The following IPO7 variants were observed in gnomAD, a reference collection of about 807,000 sequenced individuals.
IPO7 encodes importin-7.
In IPO7, 13 loss-of-function variants were observed where a neutral mutation model predicts 136.4. The observed-to-expected ratio is 0.10, with a 90% CI of 0.06 to 0.15. IPO7 has a LOEUF of 0.15. Among genes scored for constraint, IPO7 ranks in the 10% least tolerant of loss-of-function variants. The pLI, the probability that IPO7 is intolerant of heterozygous loss-of-function variation, is 1.00. For synonymous variants in IPO7, 403 were observed against 404.4 expected (o/e 1.00, Z 0.04); for missense variants, 857 against 1,240.6 (o/e 0.69, Z 4.65).
At chr11:9,406,104 C>CGT (rs749091662) in intron 2 of IPO7, among the ~76,000 whole-genome samples, 1 of 61,818 alleles carries the variant, frequency 1.6e-5, no homozygotes, top group African/African-American at 7.6e-5. Context: ...TGAGGCTGGT[C>CGT]TTTTTTTTTT....
At chr11:9,432,296 G>A (rs537267818) in intron 16 of IPO7, among the ~76,000 whole-genome samples, 1 of 151,338 alleles carries the variant, frequency 6.6e-6, no homozygotes, top group East Asian at 2.0e-4. Flanking sequence ...CTGCCTCCCA[G>A]GTTCAAGTGA....
intron 1 of IPO7, among the ~76,000 whole-genome samples, chr11:9,398,356 A>G (rs1319012288): frequency 6.6e-6 from 1 of 152,244 alleles, no homozygotes; most frequent in Admixed American, 6.5e-5. Context: ...CAAATATGTA[A>G]TAAGCATTAT....
chr11:9,395,283 G>T (rs543150581), intron 1 of IPO7, among the ~76,000 whole-genome samples: 8 of 151,162 alleles, frequency 5.3e-5, no homozygotes, highest in African/African-American at 1.9e-4. Flanking sequence ...CACTCTTTTC[G>T]CCCAGGCTAG....
chr11:9,386,049 C>T (rs1330920349), intron 1 of IPO7, among the ~76,000 whole-genome samples: 1 of 152,156 alleles, frequency 6.6e-6, no homozygotes, highest in African/African-American at 2.4e-5. Context: ...AATTTAAAAA[C>T]ATTGTTTATA....
chr11:9,395,264 A>T (rs1383250861), intron 1 of IPO7, among the ~76,000 whole-genome samples: 2 of 151,838 alleles, frequency 1.3e-5, no homozygotes, highest in Admixed American at 1.3e-4. Context: ...ATTTTTTGAG[A>T]TGGAGTTTCA....
chr11:9,401,192 AAAG>A (rs1479667333), intron 1 of IPO7, among the ~76,000 whole-genome samples: 2 of 152,132 alleles, frequency 1.3e-5, no homozygotes, highest in Non-Finnish European at 2.9e-5. Context: ...AAAAAAAAAA[AAAG>A]AAGATACTAA....
At chr11:9,412,068 G>T (rs1337018421) in intron 4 of IPO7, among the ~76,000 whole-genome samples, 3 of 152,146 alleles carry the variant, frequency 2.0e-5, no homozygotes, top group African/African-American at 7.2e-5. Flanking sequence ...TTTCTTTTGT[G>T]AATTGTTATT....
intron 8 of IPO7, among the ~76,000 whole-genome samples, chr11:9,421,464 C>T (rs1855126671): frequency 1.4e-5 from 2 of 147,950 alleles, no homozygotes; most frequent in South Asian, 2.1e-4. Flanking sequence ...CCCGTCTCTA[C>T]TAAAAATACA....
chr11:9,436,595 A>C (rs1855371950), intron 20 of IPO7, among the ~76,000 whole-genome samples: 2 of 151,828 alleles, frequency 1.3e-5, no homozygotes, highest in Admixed American at 6.6e-5. Context: ...ATGAAAGGTA[A>C]ACTTTTGCTT....
chr11:9,385,341 C>G (rs987892475), intron 1 of IPO7, among the ~76,000 whole-genome samples: 35 of 152,186 alleles, frequency 2.3e-4, no homozygotes, highest in African/African-American at 8.2e-4. Context: ...GATCAGTGGC[C>G]TGCCTCGGGC....
Position 9,429,706 on chromosome 11 carries a change from G to T in IPO7, c.1624G>T (p.Val542Leu), listed in dbSNP as rs1344184546. The change falls in exon 15 of 25, where the codon GTA becomes TTA. Residue 542 changes from valine to leucine, a missense_variant. Coordinates refer to ENST00000379719, the MANE Select transcript of IPO7 (RefSeq NM_006391.3). The part of the protein sequence containing the change: ...KEYITPFIRP[V>L]MQALLHIIRE... ...ATATATCACACCATTCATCAGACCT[G>T]TAATGCAGGCTCTTCTTCACATTAT... The T allele has an allele frequency of 6.2e-7, 1 of 1,609,258 alleles. No individual in the cohort carries two copies. The highest frequency in any genetic ancestry group is 1.7e-5 in the Admixed American group (1 of 59,432).
In IPO7 at chr11:9,442,125, G is replaced by C; in HGVS notation, c.2947G>C (p.Gly983Arg). 6.2e-7 allele frequency: 1 copy of C among 1,608,396 alleles called. No individual in the cohort carries two copies. Among genetic ancestry groups the C allele is most frequent in the Non-Finnish European group, 8.5e-7 (1 of 1,175,116 alleles). ...NPVWYQALTH[G>R]LNEEQRKQLQ... ...TGTGTGGTATCAGGCACTGACTCAC[G>C]GTCTTAATGAAGAACAAAGAAAACA... is the stretch of plus-strand genomic sequence containing the variant. Residue 983 changes from glycine (G) to arginine (R), a missense_variant, in exon 24 of 25, where the codon GGT becomes CGT. By Grantham distance (125) the Gly-to-Arg change is moderately radical. Coordinates refer to ENST00000379719, the MANE Select transcript of IPO7 (RefSeq NM_006391.3).
At chr11:9,395,478 A>G (rs1854695166) in intron 1 of IPO7, among the ~76,000 whole-genome samples, 1 of 151,790 alleles carries the variant, frequency 6.6e-6, no homozygotes, top group Non-Finnish European at 1.5e-5. Context: ...TGACTTTGTG[A>G]TCTGCCTGCC....
intron 24 of IPO7, 130 bp downstream of exon 24, chr11:9,442,327 T>C (rs867312352): frequency 7.7e-6 from 4 of 518,102 alleles, no homozygotes; most frequent in Middle Eastern, 9.9e-4. Context: ...TTGCAGGTGA[T>C]AGGAATTAAC....
At chr11:9,397,343 T>A (rs866178165) in intron 1 of IPO7, among the ~76,000 whole-genome samples, 352 of 6,580 alleles carry the variant, frequency 0.053, 41 homozygotes, top group East Asian at 0.39. Context: ...TAAAAAAAAA[T>A]ATATATATAT....
intron 4 of IPO7, among the ~76,000 whole-genome samples, chr11:9,412,481 A>G (rs1380210119): frequency 6.6e-6 from 1 of 152,160 alleles, no homozygotes; most frequent in Non-Finnish European, 1.5e-5. Context: ...ATAATCAGTA[A>G]TCTGTATTTT....
intron 16 of IPO7, among the ~76,000 whole-genome samples, chr11:9,432,611 T>C (rs1194288907): frequency 2.0e-5 from 3 of 152,212 alleles, no homozygotes; most frequent in Non-Finnish European, 2.9e-5. Flanking sequence ...ATTTTAGGAA[T>C]TGTAAATGTA....
At chr11:9,403,417 A>C in intron 2 of IPO7, 46 bp downstream of exon 2, 1 of 1,422,350 alleles carries the variant, frequency 7.0e-7, no homozygotes, top group East Asian at 2.3e-5. Flanking sequence ...TATTGTTTAA[A>C]AGGTTCATAA....
chr11:9,426,676 GT>G (rs1855213563), intron 12 of IPO7, among the ~76,000 whole-genome samples: 1 of 152,100 alleles, frequency 6.6e-6, no homozygotes, highest in Non-Finnish European at 1.5e-5. Context: ...AATTTTTCAT[GT>G]GCTTACTATC....
Sources: allele counts gnomAD v4.1 joint callset (sites outside exome capture counted in the v4.1 genomes callset), GRCh38; gene constraint gnomAD v4.1.1; transcripts MANE v1.5; gene names NCBI Gene and HGNC (gene_info 2026-07-23, HGNC 2026-07-21).